The following MECOM variants were observed in gnomAD, a reference collection of about 807,000 sequenced individuals.
MECOM encodes histone-lysine N-methyltransferase MECOM.
In MECOM, 13 loss-of-function variants were observed where a neutral mutation model predicts 116.3. That is an observed-to-expected ratio of 0.11 (90% confidence interval 0.07 to 0.18). The LOEUF (loss-of-function observed/expected upper bound fraction) is 0.18. Ranked by LOEUF, MECOM falls within the 10% of genes least tolerant of loss-of-function variation. The probability of loss-of-function intolerance (pLI) is 1.00; values close to 1 mark genes in which losing one functional copy is unlikely to be tolerated. For synonymous variants in MECOM, 528 were observed against 535.2 expected (o/e 0.99, Z 0.19); for missense variants, 1,299 against 1,509.0 (o/e 0.86, Z 2.31).
At chr3:169,147,140 A>T in intron 2 of MECOM, 1 of 985,664 alleles carries the variant, frequency 1.0e-6, no homozygotes, top group African/African-American at 1.7e-5. Flanking sequence ...TCTTGCTCTT[A>T]TCAGCCCGAT....
intron 1 of MECOM, among the ~76,000 whole-genome samples, chr3:169,513,851 C>T (rs1475437275): frequency 6.6e-6 from 1 of 152,198 alleles, no homozygotes; most frequent in African/African-American, 2.4e-5. Flanking sequence ...ACACCAGGCA[C>T]ACCTGCAACC....
rs1001537211 is a variant in MECOM at position 169,330,598 on chromosome 3, A to G, written c.375+50589T>C. Among the ~76,000 whole-genome samples, 5 of 152,152 alleles carry G rather than the reference A, an allele frequency of 3.3e-5. No individual in the cohort carries two copies. The South Asian group carries it at 6.2e-4, about 19-fold the overall frequency. ...GATAGATTATAGCCTCATCTCTTCC[A>G]ACATCCGATTCTGTGGAAATTTGCA... is the stretch of plus-strand genomic sequence containing the variant. On this transcript the variant is annotated intron_variant, in intron 2 of 16. Coordinates refer to ENST00000651503, the MANE Select transcript of MECOM (RefSeq NM_004991.4).
chr3:169,632,213 A>C, intron 1 of MECOM, among the ~76,000 whole-genome samples: 1 of 102,434 alleles, frequency 9.8e-6, no homozygotes, highest in African/African-American at 3.4e-5. Context: ...ATATATTCAA[A>C]ACACATGTTT....
intron 12 of MECOM, among the ~76,000 whole-genome samples, chr3:169,096,010 G>T (rs552930707): frequency 6.6e-6 from 1 of 151,784 alleles, no homozygotes; most frequent in South Asian, 2.1e-4. Context: ...TTATTGGTTG[G>T]TTAGTTGTTT....
intron 2 of MECOM, among the ~76,000 whole-genome samples, chr3:169,369,335 T>C (rs1286361606): frequency 7.1e-6 from 1 of 140,028 alleles, no homozygotes; most frequent in Non-Finnish European, 1.5e-5. Flanking sequence ...ATAAACTTGA[T>C]TGCAGCCTTT....
chr3:169,481,548 A>G (rs1249695179), intron 1 of MECOM, among the ~76,000 whole-genome samples: 1 of 151,920 alleles, frequency 6.6e-6, no homozygotes, highest in Non-Finnish European at 1.5e-5. Context: ...GCAAGACTCT[A>G]TCTCAAATAA....
intron 2 of MECOM, among the ~76,000 whole-genome samples, chr3:169,230,720 A>G (rs1906501): frequency 0.13 from 19,631 of 152,130 alleles, 1,872 homozygotes; most frequent in African/African-American, 0.27. Context: ...TTCATGGCCC[A>G]TGGTCTGACT....
chr3:169,558,998 C>T (rs530525268), intron 1 of MECOM, among the ~76,000 whole-genome samples: 2 of 151,854 alleles, frequency 1.3e-5, no homozygotes, highest in South Asian at 4.2e-4. Flanking sequence ...CTACAATCCT[C>T]TGTCTTCTCA....
intron 1 of MECOM, among the ~76,000 whole-genome samples, chr3:169,638,253 T>C (rs1467297576): frequency 6.6e-6 from 1 of 152,182 alleles, no homozygotes; most frequent in African/African-American, 2.4e-5. Context: ...ACCTCCCTCC[T>C]AACTACTCAC....
intron 1 of MECOM, among the ~76,000 whole-genome samples, chr3:169,595,985 G>GTTTATA (rs1767082032): frequency 6.6e-6 from 1 of 152,012 alleles, no homozygotes; most frequent in Non-Finnish European, 1.5e-5. Flanking sequence ...TAAGAATAAT[G>GTTTATA]TTTATATTTT....
chr3:169,662,721 C>A (rs1328721505), intron 1 of MECOM, among the ~76,000 whole-genome samples: 1 of 152,118 alleles, frequency 6.6e-6, no homozygotes, highest in Admixed American at 6.5e-5. Flanking sequence ...TCCACCCGCC[C>A]GCCCGCGCAA....
intron 2 of MECOM, among the ~76,000 whole-genome samples, chr3:169,183,320 C>T (rs1233166248): frequency 6.6e-6 from 1 of 152,110 alleles, no homozygotes; most frequent in Admixed American, 6.5e-5. Flanking sequence ...AACCTTCCAC[C>T]TTTCTCCTGT....
intron 1 of MECOM, among the ~76,000 whole-genome samples, chr3:169,605,879 T>C (rs993291723): frequency 6.6e-6 from 1 of 152,208 alleles, no homozygotes; most frequent in Admixed American, 6.5e-5. Context: ...CATTTGATGC[T>C]GTGAGGTAAA....
intron 1 of MECOM, among the ~76,000 whole-genome samples, chr3:169,638,810 C>A (rs1180267413): frequency 1.3e-5 from 2 of 152,176 alleles, no homozygotes; most frequent in Non-Finnish European, 2.9e-5. Flanking sequence ...ATGCCGCCTT[C>A]CACAGGTTGG....
At chr3:169,382,879 A>AAAAAAAAAAAAAAAAG (rs1358767356) in intron 1 of MECOM, among the ~76,000 whole-genome samples, 5 of 138,556 alleles carry the variant, frequency 3.6e-5, no homozygotes, top group African/African-American at 5.4e-5. Context: ...AAAAATAAAA[A>AAAAAAAAAAAAAAAAG]AAGAAGGTAA....
intron 1 of MECOM, among the ~76,000 whole-genome samples, chr3:169,599,364 A>G (rs1177028104): frequency 1.3e-5 from 2 of 151,996 alleles, no homozygotes; most frequent in Non-Finnish European, 2.9e-5. Context: ...AAATACAAAA[A>G]TCAGCTGGGC....
chr3:169,657,339 A>G (rs1325164977), intron 1 of MECOM, among the ~76,000 whole-genome samples: 2 of 152,260 alleles, frequency 1.3e-5, no homozygotes, highest in African/African-American at 2.4e-5. Context: ...GAATGGCTTC[A>G]CAATACATAC....
At chr3:169,458,537 T>G (rs917073518) in intron 1 of MECOM, among the ~76,000 whole-genome samples, 1 of 152,228 alleles carries the variant, frequency 6.6e-6, no homozygotes, top group Non-Finnish European at 1.5e-5. Context: ...TGCAAGCCTT[T>G]TGGCCTAACG....
intron 9 of MECOM, among the ~76,000 whole-genome samples, chr3:169,109,863 G>T (rs1355910890): frequency 6.6e-6 from 1 of 152,130 alleles, no homozygotes; most frequent in East Asian, 1.9e-4. Flanking sequence ...GAATGGGAAG[G>T]AATATGCTGG....
Sources: allele counts gnomAD v4.1 joint callset (sites outside exome capture counted in the v4.1 genomes callset), GRCh38; gene constraint gnomAD v4.1.1; transcripts MANE v1.5; gene names NCBI Gene and HGNC (gene_info 2026-07-23, HGNC 2026-07-21).